Variants in XIRP2 observed in about 807,000 individuals in gnomAD.
XIRP2 encodes the protein xin actin binding repeat containing 2, also known as xin actin-binding repeat-containing protein 2.
In XIRP2, 236 loss-of-function variants were observed where a neutral mutation model predicts 277.0. The observed-to-expected ratio is 0.85, with a 90% CI of 0.77 to 0.95. The LOEUF (loss-of-function observed/expected upper bound fraction) is 0.95. Ranked by LOEUF, XIRP2 falls within the 40% of genes least tolerant of loss-of-function variation. The pLI, the probability that XIRP2 is intolerant of heterozygous loss-of-function variation, is 0.00. For missense variants in XIRP2, 4,640 were observed against 4,157.5 expected, an observed-to-expected ratio of 1.12 and a Z score of -3.19; for synonymous variants, 1,490 against 1,416.5, an observed-to-expected ratio of 1.05 and a Z score of -1.17.
At chr2:167,024,889 C>T (rs866753837) in intron 2 of XIRP2, among the ~76,000 whole-genome samples, 4 of 152,164 alleles carry the variant, frequency 2.6e-5, no homozygotes, top group South Asian at 4.1e-4. Context: ...CATCAATGTT[C>T]ATCAAAGATA....
At chr2:167,168,920 T>C (rs1245644291) in intron 3 of XIRP2, among the ~76,000 whole-genome samples, 1 of 152,174 alleles carries the variant, frequency 6.6e-6, no homozygotes, top group East Asian at 1.9e-4. Flanking sequence ...CTTTATCCAT[T>C]AGGGCCCTTA....
intron 2 of XIRP2, among the ~76,000 whole-genome samples, chr2:167,096,420 C>G (rs1338569978): frequency 6.6e-6 from 1 of 151,886 alleles, no homozygotes; most frequent in Non-Finnish European, 1.5e-5. Context: ...TTTATTGTGT[C>G]TATTTGATTC....
At chr2:167,004,009 G>A (rs1687440049) in intron 2 of XIRP2, among the ~76,000 whole-genome samples, 1 of 151,770 alleles carries the variant, frequency 6.6e-6, no homozygotes, top group Non-Finnish European at 1.5e-5. Context: ...GTTAATGCAG[G>A]AAATAATTTC....
intron 3 of XIRP2, among the ~76,000 whole-genome samples, chr2:167,164,889 T>C (rs576014193): frequency 1.3e-5 from 2 of 152,278 alleles, no homozygotes; most frequent in East Asian, 1.9e-4. Flanking sequence ...TAAACCCTAA[T>C]AGAGTTAGAG....
At chr2:167,177,402 C>A (rs957436814) in intron 3 of XIRP2, among the ~76,000 whole-genome samples, 8 of 152,106 alleles carry the variant, frequency 5.3e-5, no homozygotes, top group African/African-American at 1.9e-4. Flanking sequence ...GTTGCAATTT[C>A]CTGCATCCTA....
At chr2:167,071,568 C>T (rs1039443213) in intron 2 of XIRP2, among the ~76,000 whole-genome samples, 25 of 152,156 alleles carry the variant, frequency 1.6e-4, no homozygotes, top group Non-Finnish European at 2.2e-4. Context: ...ATTTTCTGAA[C>T]GTAAAGGCAA....
intron 4 of XIRP2, among the ~76,000 whole-genome samples, chr2:167,214,114 G>C (rs991145216): frequency 1.7e-5 from 2 of 119,846 alleles, no homozygotes; most frequent in Non-Finnish European, 3.4e-5. Context: ...AGGAAGGAAG[G>C]AAGGAAGGAA....
In XIRP2 at chr2:167,013,761, G is replaced by T. The variant is rs1481724450; in HGVS notation, c.408+109871G>T. ...ACTTATAGACAGAAATCCCAGAAAT[G>T]ATATAAGGATATCTTAAATATTTTA... On this transcript the variant is annotated intron_variant, in intron 2 of 10. Coordinates refer to ENST00000409195, the MANE Select transcript of XIRP2 (RefSeq NM_152381.6). 2.0e-5 allele frequency among the ~76,000 whole-genome samples: 3 copies of T among 151,532 alleles called. No individual in the cohort carries two copies. In the East Asian group the frequency reaches 5.8e-4, roughly 29 times the overall value.
chr2:167,151,411 A>C (rs1692012226), intron 3 of XIRP2, among the ~76,000 whole-genome samples: 1 of 152,164 alleles, frequency 6.6e-6, no homozygotes. Flanking sequence ...ACTACACAAC[A>C]TATCCATGTA....
chr2:167,154,568 CT>C (rs1692125447), intron 3 of XIRP2, among the ~76,000 whole-genome samples: 2 of 151,920 alleles, frequency 1.3e-5, no homozygotes, highest in Non-Finnish European at 2.9e-5. Context: ...TTTAATCCAT[CT>C]GAATTAATTT....
chr2:167,031,378 A>T (rs1688342377), intron 2 of XIRP2, among the ~76,000 whole-genome samples: 1 of 152,014 alleles, frequency 6.6e-6, no homozygotes, highest in Non-Finnish European at 1.5e-5. Context: ...AGCTCTTTTA[A>T]GGCAGGCCTA....
intron 2 of XIRP2, among the ~76,000 whole-genome samples, chr2:167,102,968 G>T (rs950771586): frequency 2.6e-5 from 4 of 152,068 alleles, no homozygotes; most frequent in African/African-American, 9.7e-5. Context: ...AAAAAGAATA[G>T]AAACTTCAAA....
intron 2 of XIRP2, among the ~76,000 whole-genome samples, chr2:166,949,097 G>C (rs188380355): frequency 6.6e-6 from 1 of 151,970 alleles, no homozygotes; most frequent in Admixed American, 6.6e-5. Context: ...TACTCCAAGA[G>C]AGTCAAATGA....
intron 2 of XIRP2, among the ~76,000 whole-genome samples, chr2:167,026,453 A>T (rs938115995): frequency 6.6e-6 from 1 of 152,138 alleles, no homozygotes; most frequent in African/African-American, 2.4e-5. Context: ...TATCCCATTG[A>T]TATTTAAAGT....
chr2:167,065,554 A>G (rs1289174545), intron 2 of XIRP2, among the ~76,000 whole-genome samples: 1 of 151,538 alleles, frequency 6.6e-6, no homozygotes, highest in African/African-American at 2.4e-5. Context: ...TGTTGCTGTT[A>G]TTGCTTGTGT....
At chr2:167,039,912 T>C (rs906412206) in intron 2 of XIRP2, among the ~76,000 whole-genome samples, 1 of 152,092 alleles carries the variant, frequency 6.6e-6, no homozygotes, top group Non-Finnish European at 1.5e-5. Flanking sequence ...AATTAGAAAC[T>C]AATGAGCCAA....
intron 2 of XIRP2, among the ~76,000 whole-genome samples, chr2:167,054,311 C>A (rs1688990354): frequency 2.0e-5 from 3 of 152,170 alleles, no homozygotes; most frequent in African/African-American, 7.2e-5. Context: ...TGATAGAAAG[C>A]ATCTTTGCTG....
In XIRP2 at chr2:167,243,997, G is replaced by A; in HGVS notation, c.2605G>A (p.Gly869Ser). 6.2e-7 allele frequency: 1 copy of A among 1,614,014 alleles called. No individual in the cohort carries two copies. Among genetic ancestry groups the A allele is most frequent in the Non-Finnish European group, 8.5e-7 (1 of 1,179,930 alleles). The change falls in exon 9 of 11, where the codon GGT becomes AGT. Residue 869 changes from glycine to serine, a missense_variant. Transcript: ENST00000409195. ...ADSLQREEII[G>S]GDVQTTKHLF... is the part of the protein sequence containing the mutation. Reference sequence around the variant, plus strand: ...TTCTCTACAACGTGAGGAGATAATAGGTGGTGATGTACAAACTACTAAGCA... The same window carrying A: ...TTCTCTACAACGTGAGGAGATAATAAGTGGTGATGTACAAACTACTAAGCA...
In XIRP2 at chr2:167,248,837, T is replaced by G; in HGVS notation, c.7445T>G (p.Ile2482Ser). ...CACACGGAGACAAAGCAGAACGTTA[T>G]TAGTAAGAGTCTTGATGAAAGAAAA... is the stretch of plus-strand genomic sequence containing the variant. ...SEHTETKQNVISKSLDERKQL... is the reference protein window; with the variant it reads ...SEHTETKQNVSSKSLDERKQL... The change falls in exon 9 of 11, where the codon ATT becomes AGT. Residue 2482 changes from isoleucine (I) to serine (S), a missense_variant. Transcript: ENST00000409195. 1 of 1,613,606 alleles carries G rather than the reference T, an allele frequency of 6.2e-7. No homozygotes were observed. The highest frequency in any genetic ancestry group is 8.5e-7 in the Non-Finnish European group (1 of 1,179,782).
Sources: allele counts gnomAD v4.1 joint callset (sites outside exome capture counted in the v4.1 genomes callset), GRCh38; gene constraint gnomAD v4.1.1; transcripts MANE v1.5; gene names NCBI Gene and HGNC (gene_info 2026-07-23, HGNC 2026-07-21).